The following MAN1B1 variants were observed in gnomAD, a reference collection of about 807,000 sequenced individuals.
MAN1B1 encodes the protein endoplasmic reticulum mannosyl-oligosaccharide 1,2-alpha-mannosidase.
A neutral mutation model predicts 75.5 loss-of-function variants in MAN1B1; 66 were observed. That is an observed-to-expected ratio of 0.87 (90% CI 0.72 to 1.07). The LOEUF (loss-of-function observed/expected upper bound fraction) is 1.07. MAN1B1 is among the 50% of genes least tolerant of loss of function. The pLI is 0.00. For missense variants in MAN1B1, 973 were observed against 912.5 expected (o/e 1.07, Z -0.85); for synonymous variants, 453 against 382.8 (o/e 1.18, Z -2.14).
At position 137,107,306 on chromosome 9, in the gene MAN1B1, G is replaced by T. The variant is rs1831147302; in HGVS notation, c.1623G>T (p.Leu541=). ...GTLALGVYHG[L]PASHMELAQE... ...TGGCTCTGGGCGTCTACCACGGCCT[G>T]CCCGCCAGCCACATGGAGCTGGCCC... Residue 541 remains leucine, a synonymous_variant, in exon 11 of 13, where the codon CTG becomes CTT. Coordinates refer to ENST00000371589, the MANE Select transcript of MAN1B1 (RefSeq NM_016219.5). 6.2e-7 allele frequency: 1 copy of T among 1,613,128 alleles called. No individual in the cohort carries two copies. The highest frequency in any genetic ancestry group is 1.7e-5 in the Admixed American group (1 of 60,034).
chr9:137,104,567 C>G (rs895409601), intron 8 of MAN1B1: 1 of 177,990 alleles, frequency 5.6e-6, no homozygotes, highest in Admixed American at 5.3e-5. Context: ...TTTCACTCAG[C>G]GTCTTTAAGC....
intron 10 of MAN1B1, 43 bp downstream of exon 10, chr9:137,106,852 C>T (rs774526134): frequency 1.2e-6 from 2 of 1,607,092 alleles, no homozygotes; most frequent in African/African-American, 2.7e-5. Flanking sequence ...CCCCTTTTAC[C>T]TTGGCTTCCA....
In MAN1B1 at chr9:137,087,205, G is replaced by T; in HGVS notation, c.206G>T (p.Arg69Leu). Residue 69 changes from arginine to leucine, a missense_variant, in exon 1 of 13, where the codon CGC (arginine) becomes CTC (leucine). Arg to Leu is a moderately radical substitution (Grantham distance 102, BLOSUM62 -2). Transcript: ENST00000371589. ...NYDNSKSWRR[R>L]SCWRKWKQLS... ...GACAACAGCAAGAGTTGGCGGCGGCGCTCGTGCTGGAGGGTGAGGGTCGCG... is the reference window on the plus strand; with the variant it reads ...GACAACAGCAAGAGTTGGCGGCGGCTCTCGTGCTGGAGGGTGAGGGTCGCG... 3 of 1,580,068 alleles carry T rather than the reference G, an allele frequency of 1.9e-6. No individual in the cohort carries two copies. Among genetic ancestry groups the T allele is most frequent in the South Asian group, 1.1e-5 (1 of 86,984 alleles).
intron 5 of MAN1B1, among the ~76,000 whole-genome samples, chr9:137,099,446 C>G (rs370025825): frequency 1.3e-5 from 2 of 152,232 alleles, no homozygotes; most frequent in African/African-American, 2.4e-5. Flanking sequence ...GTCAGGTGGT[C>G]GGGTGACAGG....
At position 137,101,148 on chromosome 9, in the gene MAN1B1, A is replaced by G. The variant is rs750562810; in HGVS notation, c.1060A>G (p.Lys354Glu). The change falls in exon 7 of 13, where the codon AAA becomes GAA. Residue 354 changes from lysine to glutamate, a missense_variant. By Grantham distance (56) the Lys-to-Glu change is moderately conservative (BLOSUM62 1). Transcript: ENST00000371589. ...HLSGDSLFLR[K>E]AEDFGNRLMP... The stretch of plus-strand genomic sequence containing the variant: ...GTCTGGGGACAGCCTCTTCCTGAGG[A>G]AAGCTGTAAGTGTCTTGGGGTGTCC... 1.9e-6 allele frequency: 3 copies of G among 1,613,852 alleles called. No homozygotes were observed. Among genetic ancestry groups the G allele is most frequent in the Non-Finnish European group, 2.5e-6 (3 of 1,180,010 alleles).
chr9:137,090,888 A>C (rs1016715444), intron 3 of MAN1B1, among the ~76,000 whole-genome samples: 1 of 152,132 alleles, frequency 6.6e-6, no homozygotes, highest in African/African-American at 2.4e-5. Flanking sequence ...CTATAAGCTC[A>C]ATAGAGAGGG....
In MAN1B1 at chr9:137,101,233, G is replaced by A. The variant is rs1443853799; in HGVS notation, c.1065+80G>A. The A allele has an allele frequency of 5.2e-6, 8 of 1,549,842 alleles. 1 individual carries two copies. Among genetic ancestry groups the A allele is most frequent in the South Asian group, 3.3e-5 (3 of 89,606 alleles). On this transcript the variant is annotated intron_variant, in intron 7 of 12. Transcript: ENST00000371589. Reference sequence around the variant, plus strand: ...ACCCCTTTAGTGGACTTGTGGGGACGTGACTGTCTTCCTGTTTCCTCTTCA... The same window carrying A: ...ACCCCTTTAGTGGACTTGTGGGGACATGACTGTCTTCCTGTTTCCTCTTCA...
rs73668397 is a variant in MAN1B1, at chr9:137,107,124, C to T, written c.1567-126C>T. 0.015 allele frequency: 15,497 copies of T among 1,032,614 alleles called. 1,341 individuals carry two copies. The African/African-American group carries it at 0.2, about 13-fold the overall frequency. The allele number at this position is 1,032,614 out of a possible 1,614,324, so 64.0% of individuals were successfully genotyped here. A position where few individuals can be genotyped will look rare whatever the true frequency, so the allele number is the denominator to read the frequency against. On this transcript the variant is annotated intron_variant, in intron 10 of 12. Transcript: ENST00000371589. ...TCCGCTGTTCCATGCCAAGTGCCCT[C>T]GCGTGGCCTCCCCTCCCAGGGTACC... is the stretch of plus-strand genomic sequence containing the variant.
Position 137,096,401 on chromosome 9 carries a change from G to C in MAN1B1, c.620+10G>C. Reference sequence around the variant, plus strand: ...AGAGGACAGTCATCAGGTACAGAGCGCAGGGCAGGCTGCACGCCGCCGCTC... The same window carrying C: ...AGAGGACAGTCATCAGGTACAGAGCCCAGGGCAGGCTGCACGCCGCCGCTC... On this transcript the variant is annotated intron_variant, in intron 4 of 12. Transcript: ENST00000371589. 6.2e-7 allele frequency: 1 copy of C among 1,612,904 alleles called. No homozygotes were observed. The highest frequency in any genetic ancestry group is 8.5e-7 in the Non-Finnish European group (1 of 1,179,658).
At chr9:137,097,388 T>C (rs1011573018) in intron 4 of MAN1B1, among the ~76,000 whole-genome samples, 7 of 152,188 alleles carry the variant, frequency 4.6e-5, no homozygotes, top group East Asian at 3.8e-4. Context: ...CTGATGGCCA[T>C]TGGACAGAAC....
chr9:137,105,985 G>A (rs757952066), intron 8 of MAN1B1, 140 bp from the exon 9 acceptor site: 2 of 744,040 alleles, frequency 2.7e-6, no homozygotes, highest in African/African-American at 1.7e-5. Flanking sequence ...AAGGACAGCT[G>A]TGGGCTGGGC....
At chr9:137,096,147 T>G in intron 3 of MAN1B1, 90 bp from the exon 4 acceptor site, 1 of 1,344,826 alleles carries the variant, frequency 7.4e-7, no homozygotes, top group Non-Finnish European at 1.1e-6. Context: ...GTCTGTGAGG[T>G]GTGGGCTGCA....
At chr9:137,102,029 G>C (rs538430327) in intron 8 of MAN1B1, 2 of 474,262 alleles carry the variant, frequency 4.2e-6, no homozygotes, top group East Asian at 5.9e-5. Context: ...TGTTGCAGGC[G>C]TGCAGGTTGG....
At chr9:137,104,280 G>A (rs7026787) in intron 8 of MAN1B1, 155,068 of 358,340 alleles carry the variant, frequency 0.43, 34,868 homozygotes, top group East Asian at 0.68. Flanking sequence ...CTGTCACTCA[G>A]GCTGGAGTGC....
rs1424943184 is a variant in MAN1B1 at position 137,106,261 on chromosome 9, G to A, written c.1391G>A (p.Ser464Asn). The A allele has an allele frequency of 6.4e-7, 1 of 1,574,100 alleles. No individual in the cohort carries two copies. Among genetic ancestry groups the A allele is most frequent in the East Asian group, 2.3e-5 (1 of 43,422 alleles). Residue 464 changes from serine (S) to asparagine (N), a missense_variant, in exon 9 of 13, where the codon AGC (serine) becomes AAC (asparagine). Ser to Asn is a conservative substitution (Grantham distance 46). Coordinates refer to ENST00000371589, the MANE Select transcript of MAN1B1 (RefSeq NM_016219.5). ...GVFTLGARADSYYEYLLKQWI... is the reference protein window; with the variant it reads ...GVFTLGARADNYYEYLLKQWI... ...TTCACGCTGGGCGCCAGGGCCGACA[G>A]CTACTATGAGTACCTGCTGAAGCAG...
At chr9:137,106,982 T>TG (rs1361501875) in intron 10 of MAN1B1, among the ~76,000 whole-genome samples, 173 bp downstream of exon 10, 1 of 152,194 alleles carries the variant, frequency 6.6e-6, no homozygotes. Context: ...AGTAAGGCCT[T>TG]GTGTGGCACC....
chr9:137,093,413 C>T (rs1275864483), intron 3 of MAN1B1, among the ~76,000 whole-genome samples: 1 of 152,050 alleles, frequency 6.6e-6, no homozygotes, highest in Non-Finnish European at 1.5e-5. Flanking sequence ...CCATCACAAT[C>T]ACAAGAAAAG....
intron 10 of MAN1B1, 149 bp downstream of exon 10, chr9:137,106,958 C>T: frequency 8.4e-7 from 1 of 1,188,064 alleles, no homozygotes; most frequent in Non-Finnish European, 1.2e-6. Flanking sequence ...CCAGGCCTGT[C>T]TTGGCAACAG....
At position 137,106,518 on chromosome 9, in the gene MAN1B1, G is replaced by C. The variant is rs550159240; in HGVS notation, c.1446-171G>C. Reference sequence around the variant, plus strand: ...CACCTCTCACCGTGGCCTCTGGGGGGGTGAGGGGGGCATCTTCACTGAGGG... The same window carrying C: ...CACCTCTCACCGTGGCCTCTGGGGGCGTGAGGGGGGCATCTTCACTGAGGG... On this transcript the variant is annotated intron_variant, in intron 9 of 12. Transcript: ENST00000371589. 35 of 1,138,930 alleles carry C rather than the reference G, an allele frequency of 3.1e-5. No homozygotes were observed. In the Admixed American group the frequency reaches 4.5e-4, roughly 15 times the overall value. The allele number at this position is 1,138,930 out of a possible 1,614,324, so 70.6% of individuals were successfully genotyped here. A position where few individuals can be genotyped will look rare whatever the true frequency, so the allele number is the denominator to read the frequency against.
Sources: gnomAD v4.1 joint callset for allele counts (sites outside exome capture counted in the v4.1 genomes callset) on GRCh38, gnomAD v4.1.1 for gene constraint, MANE v1.5 for transcripts, NCBI Gene and HGNC (gene_info 2026-07-23, HGNC 2026-07-21) for gene names.